Variants in PERP observed in about 807,000 individuals in gnomAD.
PERP encodes the protein p53 apoptosis effector related to PMP-22.
A neutral mutation model predicts 20.3 loss-of-function variants in PERP; 11 were observed. That is an observed-to-expected ratio of 0.54 (90% CI 0.34 to 0.90). The LOEUF (loss-of-function observed/expected upper bound fraction) is 0.90, where lower values mean the gene tolerates loss of function less well. Among genes scored for constraint, PERP ranks in the 40% least tolerant of loss-of-function variants. PERP has a pLI of 0.02. For missense variants in PERP, 224 were observed against 249.4 expected, an observed-to-expected ratio of 0.90 and a Z score of 0.69; for synonymous variants, 101 against 102.0, an observed-to-expected ratio of 0.99 and a Z score of 0.06.
At chr6:138,101,562 G>A (rs1026569962) in intron 1 of PERP, among the ~76,000 whole-genome samples, 5 of 152,046 alleles carry the variant, frequency 3.3e-5, no homozygotes, top group East Asian at 3.9e-4. Context: ...TTTAAACGAC[G>A]CCCTTATGAC....
chr6:138,106,901 G>C (rs1775850120), intron 1 of PERP, among the ~76,000 whole-genome samples: 1 of 89,976 alleles, frequency 1.1e-5, no homozygotes, highest in South Asian at 4.2e-4. Flanking sequence ...TTGAACTACG[G>C]CCTTTTTTTT....
rs1193087088 is a variant in PERP at position 138,107,326 on chromosome 6, G to T, written c.15C>A (p.Gly5=). 7 of 1,598,672 alleles carry T rather than the reference G, an allele frequency of 4.4e-6. No homozygotes were observed. Among genetic ancestry groups the T allele is most frequent in the Non-Finnish European group, 6.0e-6 (7 of 1,175,766 alleles). The change falls in exon 1 of 3, where the codon GGC becomes GGA. Residue 5 remains glycine, a synonymous_variant. Coordinates refer to ENST00000421351, the MANE Select transcript of PERP (RefSeq NM_022121.5). The surrounding 1 kb of genome is among the most constrained non-coding windows in gnomAD (Gnocchi z 4.8). MIRC[G]LACERCRWIL... is the part of the protein sequence containing the mutation. Reference sequence around the variant, plus strand: ...TCCAGCGGCAGCGCTCGCAGGCCAGGCCGCAGCGGATCATGTTGACGGGCG... The same window carrying T: ...TCCAGCGGCAGCGCTCGCAGGCCAGTCCGCAGCGGATCATGTTGACGGGCG...
chr6:138,101,310 C>T (rs1291227273), intron 1 of PERP, among the ~76,000 whole-genome samples: 1 of 152,086 alleles, frequency 6.6e-6, no homozygotes, highest in Non-Finnish European at 1.5e-5. Flanking sequence ...GCAGAGGTTG[C>T]AGTGAGCCAA....
In PERP at chr6:138,093,103, T is replaced by C. The variant is rs572113670; in HGVS notation, c.356-835A>G. ...ATGAACATTATTGAGTCTACTTTCGTGGTCTTTTTCAATGGACATGCATGA... is the reference window on the plus strand; with the variant it reads ...ATGAACATTATTGAGTCTACTTTCGCGGTCTTTTTCAATGGACATGCATGA... On this transcript the variant is annotated intron_variant, in intron 2 of 2. Transcript: ENST00000421351. Among the ~76,000 whole-genome samples the C allele has an allele frequency of 1.3e-3, 200 of 152,342 alleles. 1 individual carries two copies. Among genetic ancestry groups the C allele is most frequent in the African/African-American group, 4.7e-3 (194 of 41,578 alleles).
chr6:138,104,830 A>G (rs944889705), intron 1 of PERP, among the ~76,000 whole-genome samples: 3 of 152,108 alleles, frequency 2.0e-5, no homozygotes, highest in Admixed American at 6.5e-5. Context: ...TTCATTTTAG[A>G]TAAAGTACAA....
rs532767266 is a variant in PERP, at chr6:138,094,278, AAAAAAT to A, written c.356-2016_356-2011del. 9.7e-4 allele frequency among the ~76,000 whole-genome samples: 147 copies of A among 152,152 alleles called. 1 individual carries two copies. Among genetic ancestry groups the A allele is most frequent in the African/African-American group, 3.0e-3 (126 of 41,492 alleles). The stretch of plus-strand genomic sequence containing the variant: ...TCTGTACATAAACTCAGTATCTCTT[AAAAAAT>A]AACTCCCCATTCTTCCCTCCCCCCA... On this transcript the variant is annotated intron_variant, in intron 2 of 2. Coordinates refer to ENST00000421351, the MANE Select transcript of PERP (RefSeq NM_022121.5).
chr6:138,095,774 A>T (rs1313214442), intron 2 of PERP, among the ~76,000 whole-genome samples: 1 of 152,158 alleles, frequency 6.6e-6, no homozygotes, highest in Non-Finnish European at 1.5e-5. Flanking sequence ...ATAAATATTC[A>T]CACTGGGCCC....
At position 138,090,676 on chromosome 6, in the gene PERP, AAAAC is replaced by A. The variant is rs143129964; in HGVS notation, c.*1362_*1365del. 25,785 of 152,410 alleles carry A rather than the reference AAAAC, an allele frequency of 0.17. 2,493 individuals carry two copies. Among genetic ancestry groups the A allele is most frequent in the Admixed American group, 0.28 (4,255 of 15,234 alleles). The allele number at this position is 152,410 out of a possible 1,614,324, so 9.4% of individuals were successfully genotyped here. On this transcript the variant is annotated 3_prime_UTR_variant, in exon 3 of 3. Coordinates refer to ENST00000421351, the MANE Select transcript of PERP (RefSeq NM_022121.5). Reference sequence around the variant, plus strand: ...CAAGGCCCTTAAAACTTCAAACAAAAAAACAAACAAAAACCACTTTTCATTATAT... The same window carrying A: ...CAAGGCCCTTAAAACTTCAAACAAAAAAACAAAAACCACTTTTCATTATAT...
rs1775568861 is a variant in PERP, at chr6:138,090,928, T to C, written c.*1114A>G. On this transcript the variant is annotated 3_prime_UTR_variant, in exon 3 of 3. Transcript: ENST00000421351. ...GAAATGGTAAAAAATCATAATGACC[T>C]ATCCGATGCATCATATATATGCTAT... 6.6e-6 allele frequency: 1 copy of C among 152,670 alleles called. No individual in the cohort carries two copies. Among genetic ancestry groups the C allele is most frequent in the Admixed American group, 6.5e-5 (1 of 15,280 alleles). 9.5% of individuals were successfully genotyped at this position (152,670 alleles called of 1,614,324 possible). A position where few individuals can be genotyped will look rare whatever the true frequency, so the allele number is the denominator to read the frequency against.
intron 1 of PERP, among the ~76,000 whole-genome samples, chr6:138,103,139 TA>T (rs2114343776): frequency 6.6e-6 from 1 of 151,798 alleles, no homozygotes; most frequent in South Asian, 2.1e-4. Context: ...CCTAATTTCA[TA>T]AATTAGGTAC....
At chr6:138,097,832 C>T (rs1562324363) in intron 1 of PERP, among the ~76,000 whole-genome samples, 2 of 152,172 alleles carry the variant, frequency 1.3e-5, no homozygotes, top group Admixed American at 6.5e-5. Flanking sequence ...GTACAACCAT[C>T]TCCACTAACA....
chr6:138,101,268 G>A (rs1197172444), intron 1 of PERP, among the ~76,000 whole-genome samples: 1 of 152,134 alleles, frequency 6.6e-6, no homozygotes, highest in Admixed American at 6.5e-5. Flanking sequence ...TATTCAGGAG[G>A]CTGAGGCATG....
Position 138,107,107 on chromosome 6 carries a change from C to T in PERP, c.214+20G>A. The T allele has an allele frequency of 6.4e-7, 1 of 1,573,722 alleles. No individual in the cohort carries two copies. Among genetic ancestry groups the T allele is most frequent in the Non-Finnish European group, 8.6e-7 (1 of 1,161,216 alleles). The stretch of plus-strand genomic sequence containing the variant: ...GAGGGCTTCCTGGAGGCGGCGACGG[C>T]GGCGGCGGCGGGCACTCACCGTACT... On this transcript the variant is annotated intron_variant, in intron 1 of 2. Coordinates refer to ENST00000421351, the MANE Select transcript of PERP (RefSeq NM_022121.5). This position sits in a 1 kb window ranked among gnomAD's most constrained non-coding sequence, Gnocchi z 4.8.
chr6:138,107,025 C>T lies in PERP; in HGVS notation c.214+102G>A. The T allele has an allele frequency of 1.7e-6, 2 of 1,196,550 alleles. No homozygotes were observed. The highest frequency in any genetic ancestry group is 3.0e-5 in the South Asian group (2 of 67,594). The allele number at this position is 1,196,550 out of a possible 1,614,324, so 74.1% of individuals were successfully genotyped here. On this transcript the variant is annotated intron_variant, in intron 1 of 2. Coordinates refer to ENST00000421351, the MANE Select transcript of PERP (RefSeq NM_022121.5). The surrounding 1 kb of genome is among the most constrained non-coding windows in gnomAD (Gnocchi z 4.8). ...AAACAGGCATTCTGAAAAGCACTGGCTCCCCCGACCCTGTGAGGGCCCATC... is the reference window on the plus strand; with the variant it reads ...AAACAGGCATTCTGAAAAGCACTGGTTCCCCCGACCCTGTGAGGGCCCATC...
At chr6:138,106,359 C>G (rs1775841235) in intron 1 of PERP, among the ~76,000 whole-genome samples, 1 of 152,192 alleles carries the variant, frequency 6.6e-6, no homozygotes, top group African/African-American at 2.4e-5. Flanking sequence ...CCAGTCCTGA[C>G]TTTCAGCAAG....
chr6:138,095,999 C>T (rs1331795673), intron 2 of PERP, among the ~76,000 whole-genome samples: 1 of 151,966 alleles, frequency 6.6e-6, no homozygotes, highest in African/African-American at 2.4e-5. Context: ...GCAGGGGGCT[C>T]ACAGCAGGCC....
chr6:138,107,035 C>T lies in PERP; in HGVS notation c.214+92G>A. The stretch of plus-strand genomic sequence containing the variant: ...TCTGAAAAGCACTGGCTCCCCCGAC[C>T]CTGTGAGGGCCCATCACGCGCGGCG... On this transcript the variant is annotated intron_variant, in intron 1 of 2. Coordinates refer to ENST00000421351, the MANE Select transcript of PERP (RefSeq NM_022121.5). This position sits in a 1 kb window ranked among gnomAD's most constrained non-coding sequence, Gnocchi z 4.8. 1.5e-6 allele frequency: 2 copies of T among 1,310,918 alleles called. No individual in the cohort carries two copies. The highest frequency in any genetic ancestry group is 1.4e-5 in the South Asian group (1 of 71,660). 81.2% of individuals were successfully genotyped at this position (1,310,918 alleles called of 1,614,324 possible).
chr6:138,102,833 C>T (rs931780695), intron 1 of PERP, among the ~76,000 whole-genome samples: 5 of 152,070 alleles, frequency 3.3e-5, no homozygotes, highest in Non-Finnish European at 5.9e-5. Flanking sequence ...GGCGCGGTGG[C>T]TCACGCCTGT....
At chr6:138,100,082 A>G (rs558326986) in intron 1 of PERP, among the ~76,000 whole-genome samples, 4 of 152,358 alleles carry the variant, frequency 2.6e-5, no homozygotes, top group Non-Finnish European at 5.9e-5. Flanking sequence ...TGACTGATGA[A>G]TAACAGACGT....
Sources: gnomAD v4.1 joint callset for allele counts (sites outside exome capture counted in the v4.1 genomes callset) on GRCh38, gnomAD v4.1.1 for gene constraint, Gnocchi (gnomAD v3.1) non-coding constraint, MANE v1.5 for transcripts, NCBI Gene and HGNC (gene_info 2026-07-23, HGNC 2026-07-21) for gene names.